Variants in KDM4C observed in about 807,000 individuals in gnomAD.
KDM4C encodes lysine demethylase 4C.
In KDM4C, 81 loss-of-function variants were observed where a neutral mutation model predicts 129.3. That is an observed-to-expected ratio of 0.63 (90% CI 0.52 to 0.75). KDM4C has a LOEUF of 0.75. Ranked by LOEUF, KDM4C falls within the 30% of genes least tolerant of loss-of-function variation. The probability of loss-of-function intolerance (pLI) is 0.00; values close to 1 mark genes in which losing one functional copy is unlikely to be tolerated. For synonymous variants in KDM4C, 573 were observed against 456.1 expected (o/e 1.26, Z -3.26); for missense variants, 1,457 against 1,304.0 (o/e 1.12, Z -1.81).
chr9:7,138,900 G>T (rs72705329), intron 19 of KDM4C, among the ~76,000 whole-genome samples: 20,583 of 152,202 alleles, frequency 0.14, 1,769 homozygotes, highest in South Asian at 0.18. Flanking sequence ...GTTAAATTAT[G>T]CATACTTCCA....
At chr9:7,100,018 G>A (rs925421781) in intron 17 of KDM4C, among the ~76,000 whole-genome samples, 1 of 152,010 alleles carries the variant, frequency 6.6e-6, no homozygotes, top group Non-Finnish European at 1.5e-5. Flanking sequence ...CTCTAGCCTT[G>A]ACTCTCAGAT....
chr9:6,904,840 G>C (rs943108885), intron 8 of KDM4C, among the ~76,000 whole-genome samples: 1 of 151,958 alleles, frequency 6.6e-6, no homozygotes, highest in African/African-American at 2.4e-5. Context: ...GTAACTAAAC[G>C]GCGTTAGTCA....
chr9:7,087,646 T>C (rs1441270183), intron 17 of KDM4C, among the ~76,000 whole-genome samples: 1 of 152,178 alleles, frequency 6.6e-6, no homozygotes, highest in Non-Finnish European at 1.5e-5. Context: ...TCAGTTAAAA[T>C]TCTGGAGGGA....
At chr9:6,864,871 GT>G (rs547921118) in intron 5 of KDM4C, among the ~76,000 whole-genome samples, 22 of 150,424 alleles carry the variant, frequency 1.5e-4, no homozygotes, top group Non-Finnish European at 3.0e-4. Flanking sequence ...CAAGCTTACT[GT>G]TTCTTTCCTC....
intron 5 of KDM4C, among the ~76,000 whole-genome samples, chr9:6,862,382 G>A (rs1260926304): frequency 1.3e-5 from 2 of 152,106 alleles, no homozygotes; most frequent in Non-Finnish European, 2.9e-5. Flanking sequence ...CAGGCTTTGT[G>A]TATTTTTTTC....
At chr9:6,936,325 C>CGAT in intron 8 of KDM4C, among the ~76,000 whole-genome samples, 1 of 152,062 alleles carries the variant, frequency 6.6e-6, no homozygotes, top group South Asian at 2.1e-4. Context: ...ATTATATATG[C>CGAT]TAAAATCATG....
intron 19 of KDM4C, among the ~76,000 whole-genome samples, chr9:7,160,760 G>T (rs1188710179): frequency 6.6e-6 from 1 of 152,214 alleles, no homozygotes; most frequent in African/African-American, 2.4e-5. Flanking sequence ...ACTGGGAGTT[G>T]TCTCCCAGTT....
chr9:7,055,120 G>A (rs552123494), intron 17 of KDM4C, among the ~76,000 whole-genome samples: 1 of 152,272 alleles, frequency 6.6e-6, no homozygotes, highest in East Asian at 1.9e-4. Context: ...GGAAGTTGCA[G>A]TGAACCGAGA....
rs573380498 is a variant in KDM4C at position 6,896,498 on chromosome 9, A to G, written c.921+3266A>G. ...ATATATATATATATATAAAAATATA[A>G]TTTTGTGTAATACAAACCAGTATTT... On this transcript the variant is annotated intron_variant, in intron 8 of 21. Transcript: ENST00000381309. Among the ~76,000 whole-genome samples the G allele has an allele frequency of 2.6e-5, 4 of 151,400 alleles. No individual in the cohort carries two copies. In the South Asian group the frequency reaches 8.3e-4, roughly 31 times the overall value.
intron 8 of KDM4C, chr9:6,942,452 C>A (rs573519892): frequency 6.8e-6 from 1 of 146,836 alleles, no homozygotes; most frequent in South Asian, 2.2e-4. Context: ...TGTTTTGTTT[C>A]TTTCCAGTAC....
intron 15 of KDM4C, among the ~76,000 whole-genome samples, chr9:7,017,520 C>T (rs1823907497): frequency 6.6e-6 from 1 of 152,134 alleles, no homozygotes; most frequent in Non-Finnish European, 1.5e-5. Flanking sequence ...GTTTAGCTTA[C>T]TTCAAATCTT....
chr9:7,093,674 C>G (rs1203607853), intron 17 of KDM4C, among the ~76,000 whole-genome samples: 1 of 152,106 alleles, frequency 6.6e-6, no homozygotes, highest in Non-Finnish European at 1.5e-5. Flanking sequence ...TTAAAATATA[C>G]AGGATTACAG....
At chr9:7,030,150 C>G (rs191719197) in intron 15 of KDM4C, among the ~76,000 whole-genome samples, 39 of 152,164 alleles carry the variant, frequency 2.6e-4, no homozygotes, top group African/African-American at 7.9e-4. Context: ...TTCTGGCTTG[C>G]TTTGTATTTC....
chr9:7,081,279 T>A (rs7038205), intron 17 of KDM4C, among the ~76,000 whole-genome samples: 16,777 of 152,136 alleles, frequency 0.11, 1,215 homozygotes, highest in East Asian at 0.2. Flanking sequence ...CTGGGCCAAG[T>A]GTTTGTGGGA....
chr9:7,089,651 A>G (rs1360001203), intron 17 of KDM4C, among the ~76,000 whole-genome samples: 3 of 152,208 alleles, frequency 2.0e-5, no homozygotes, highest in Admixed American at 6.5e-5. Flanking sequence ...ATACCGAGCA[A>G]ATAACCTTTC....
intron 12 of KDM4C, among the ~76,000 whole-genome samples, chr9:7,003,946 A>G (rs1334319935): frequency 6.6e-6 from 1 of 152,150 alleles, no homozygotes; most frequent in Non-Finnish European, 1.5e-5. Flanking sequence ...GTTTGAAACC[A>G]TATATAAATG....
At chr9:6,917,953 A>G (rs537713954) in intron 8 of KDM4C, among the ~76,000 whole-genome samples, 1 of 152,308 alleles carries the variant, frequency 6.6e-6, no homozygotes, top group African/African-American at 2.4e-5. Context: ...CTTCTCCACT[A>G]GATCAGTCTC....
intron 19 of KDM4C, 145 bp downstream of exon 19, chr9:7,128,381 A>C: frequency 1.8e-6 from 1 of 558,208 alleles, no homozygotes; most frequent in Admixed American, 4.1e-5. Flanking sequence ...AATAATATCC[A>C]GGTGAACTTA....
At chr9:6,883,796 C>G (rs1344121034) in intron 6 of KDM4C, among the ~76,000 whole-genome samples, 1 of 152,132 alleles carries the variant, frequency 6.6e-6, no homozygotes, top group Non-Finnish European at 1.5e-5. Context: ...TAGTTTAACT[C>G]TGACCAGTTT....
Sources: allele counts gnomAD v4.1 joint callset (sites outside exome capture counted in the v4.1 genomes callset), GRCh38; gene constraint gnomAD v4.1.1; transcripts MANE v1.5; gene names NCBI Gene and HGNC (gene_info 2026-07-23, HGNC 2026-07-21).